AGBL5: variants seen among roughly 807,000 people sequenced by gnomAD.
The protein encoded by AGBL5 is cytosolic carboxypeptidase-like protein 5.
In AGBL5, 51 loss-of-function variants were observed where a neutral mutation model predicts 88.0. The observed-to-expected ratio is 0.58, with a 90% confidence interval of 0.46 to 0.73. The LOEUF is 0.73. AGBL5 is among the 30% of genes least tolerant of loss of function. AGBL5 has a pLI of 0.00. For missense variants in AGBL5, 1,031 were observed against 1,162.2 expected, an observed-to-expected ratio of 0.89 and a Z score of 1.64; for synonymous variants, 446 against 438.8, an observed-to-expected ratio of 1.02 and a Z score of -0.21.
Position 27,053,335 on chromosome 2 carries a change from G to C in AGBL5, c.216-67G>C. 1 of 1,568,124 alleles carries C rather than the reference G, an allele frequency of 6.4e-7. No homozygotes were observed. The highest frequency in any genetic ancestry group is 1.2e-5 in the South Asian group (1 of 83,256). On this transcript the variant is annotated intron_variant, in intron 2 of 14. Coordinates refer to ENST00000360131, the MANE Select transcript of AGBL5 (RefSeq NM_021831.6). The surrounding 1 kb of genome is among the most constrained non-coding windows in gnomAD (Gnocchi z 4.9). ...CCCTTTCCCAGTTTGGCTGGCTCCG[G>C]CTCTCCCACAGACCATATCTCCAAC... is the stretch of plus-strand genomic sequence containing the variant.
At chr2:27,056,479 A>G in intron 7 of AGBL5, 144 bp from the exon 8 acceptor site, 1 of 760,940 alleles carries the variant, frequency 1.3e-6, no homozygotes, top group East Asian at 2.6e-5. Context: ...TGTCAAACTG[A>G]GAATTCAGGC....
intron 11 of AGBL5, chr2:27,059,617 G>T: frequency 8.7e-7 from 1 of 1,153,952 alleles, no homozygotes; most frequent in African/African-American, 1.5e-5. Flanking sequence ...GGGGAAGTCT[G>T]GGTATCTGGG....
rs564662986 is a variant in AGBL5, at chr2:27,053,704, G to A, written c.387+131G>A. The A allele has an allele frequency of 5.8e-5, 81 of 1,386,288 alleles. 1 individual carries two copies. Among genetic ancestry groups the A allele is most frequent in the Non-Finnish European group, 7.4e-5 (77 of 1,037,354 alleles). 85.9% of individuals were successfully genotyped at this position (1,386,288 alleles called of 1,614,324 possible). On this transcript the variant is annotated intron_variant, in intron 3 of 14. Transcript: ENST00000360131. The surrounding 1 kb of genome is among the most constrained non-coding windows in gnomAD (Gnocchi z 4.9). ...GGTTTAAGTATCAGCTTTTTCTCCA[G>A]TGTTAGCTAGAGTCCAAGATGAGCC...
rs752337522 is a variant in AGBL5, at chr2:27,068,705, G to A, written c.2316G>A (p.Gly772=). 9.9e-6 allele frequency: 16 copies of A among 1,614,012 alleles called. No individual in the cohort carries two copies. The African/African-American group carries it at 2.1e-4, about 22-fold the overall frequency. ...TGGTAATCGGGAAAGGTCTGCTAGG[G>A]ACTGGAGCTCGGATGCCCTGCATCA... ...AVMVIGKGLL[G]TGARMPCIKT... is the part of the protein sequence containing the mutation. Residue 772 remains glycine, a synonymous_variant, in exon 13 of 15, where the codon GGG becomes GGA. Transcript: ENST00000360131.
intron 11 of AGBL5, among the ~76,000 whole-genome samples, chr2:27,064,957 G>A (rs959514111): frequency 6.6e-5 from 10 of 151,396 alleles, no homozygotes; most frequent in African/African-American, 1.7e-4. Context: ...GTTTCTCCAC[G>A]TTGGTCAGGC....
In AGBL5 at chr2:27,055,860, T is replaced by A. The variant is rs1253567054; in HGVS notation, c.1087T>A (p.Ser363Thr). The change falls in exon 7 of 15, where the codon TCT (serine) becomes ACT (threonine). Residue 363 changes from serine to threonine, a missense_variant. Around this residue, in one of 2 missense-constraint regions of AGBL5, gnomAD observed 540 missense variants for 678.2 expected, o/e 0.80. Transcript: ENST00000360131. The stretch of plus-strand genomic sequence containing the variant: ...CTGTCTCCCTCCTGATGCTCCTGTT[T>A]CTGACCTGGAGAAAGCCAACAATCT... ...SSCLPPDAPV[S>T]DLEKANNLQN... 6.2e-7 allele frequency: 1 copy of A among 1,614,194 alleles called. No homozygotes were observed. The highest frequency in any genetic ancestry group is 1.1e-5 in the South Asian group (1 of 91,080).
intron 7 of AGBL5, 56 bp downstream of exon 7, chr2:27,056,194 G>A (rs1668425988): frequency 6.4e-7 from 1 of 1,554,512 alleles, no homozygotes; most frequent in Non-Finnish European, 8.7e-7. Flanking sequence ...TTAGGAGATG[G>A]GGTTAGGCCA....
At chr2:27,057,514 T>G (rs1431049032) in intron 9 of AGBL5, 76 bp downstream of exon 9, 1 of 1,474,044 alleles carries the variant, frequency 6.8e-7, no homozygotes, top group African/African-American at 1.4e-5. Flanking sequence ...AGTGCCTGAC[T>G]CTAAGGTCCT....
intron 4 of AGBL5, chr2:27,054,422 GAAC>G (rs1450829275): frequency 1.0e-5 from 6 of 587,670 alleles, no homozygotes; most frequent in Admixed American, 1.0e-4. Flanking sequence ...ACAAACTGGG[GAAC>G]AACAAGTTCA....
chr2:27,057,213 A>G, intron 8 of AGBL5, 90 bp from the exon 9 acceptor site: 1 of 1,411,236 alleles, frequency 7.1e-7, no homozygotes, highest in Non-Finnish European at 9.6e-7. Flanking sequence ...TTTCCAAGTG[A>G]TTGCCTCCTT....
rs1011217644 is a variant in AGBL5, at chr2:27,055,828, C to T, written c.1055C>T (p.Pro352Leu). 4 of 1,614,052 alleles carry T rather than the reference C, an allele frequency of 2.5e-6. No individual in the cohort carries two copies. Among genetic ancestry groups the T allele is most frequent in the African/African-American group, 2.7e-5 (2 of 74,904 alleles). ...TCCCAGAGTTCCTCTGAGCACCAGC[C>T]CAGTTCCTGTCTCCCTCCTGATGCT... The part of the protein sequence containing the change: ...LNSQSSSEHQ[P>L]SSCLPPDAPV... Residue 352 changes from proline to leucine, a missense_variant, in exon 7 of 15, where the codon CCC (proline) becomes CTC (leucine). Pro to Leu is a moderately conservative substitution (Grantham distance 98). Around this residue, in one of 2 missense-constraint regions of AGBL5, gnomAD observed 540 missense variants for 678.2 expected, o/e 0.80. Transcript: ENST00000360131.
At chr2:27,069,073 G>T in intron 13 of AGBL5, 1 of 1,358,246 alleles carries the variant, frequency 7.4e-7, no homozygotes, top group Non-Finnish European at 9.7e-7. Context: ...GTTTCCGCCA[G>T]GAGGGGTCCC....
intron 11 of AGBL5, among the ~76,000 whole-genome samples, chr2:27,066,712 AGGTG>A (rs1425470357): frequency 2.0e-5 from 3 of 151,902 alleles, no homozygotes; most frequent in African/African-American, 7.3e-5. Context: ...TGGGAGGCGG[AGGTG>A]GGTGGATCTC....
chr2:27,051,566 C>A (rs913597291), upstream of AGBL5: 1 of 152,318 alleles, frequency 6.6e-6, no homozygotes, highest in Non-Finnish European at 1.5e-5. Context: ...TACCCACTAA[C>A]GTGCGAGGAA....
chr2:27,058,438 G>A lies in AGBL5; in HGVS notation c.1710G>A (p.Ala570=), dbSNP rs372114447. 62 of 1,613,608 alleles carry A rather than the reference G, an allele frequency of 3.8e-5. No homozygotes were observed. Among genetic ancestry groups the A allele is most frequent in the South Asian group, 2.0e-4 (18 of 91,056 alleles). ...RAMAIAALDM[A]ECNPWPRIVL... ...TGGCCATTGCAGCCCTGGACATGGC[G>A]GAATGTAATCCGTGGCCCCGAATTG... The change falls in exon 10 of 15, where the codon GCG becomes GCA. Residue 570 remains alanine, a synonymous_variant. Coordinates refer to ENST00000360131, the MANE Select transcript of AGBL5 (RefSeq NM_021831.6).
chr2:27,053,017 C>T lies in AGBL5; in HGVS notation c.59C>T (p.Ala20Val). The T allele has an allele frequency of 3.1e-6, 5 of 1,613,626 alleles. No homozygotes were observed. Among genetic ancestry groups the T allele is most frequent in the Non-Finnish European group, 4.2e-6 (5 of 1,179,796 alleles). The change falls in exon 2 of 15, where the codon GCC becomes GTC. Residue 20 changes from alanine (A) to valine (V), a missense_variant. Ala to Val is a moderately conservative substitution (Grantham distance 64, BLOSUM62 0). Transcript: ENST00000360131. The surrounding 1 kb of genome is among the most constrained non-coding windows in gnomAD (Gnocchi z 4.9). ...FSSRFDSGNL[A>V]HVEKVESLSS... The stretch of plus-strand genomic sequence containing the variant: ...TCTCGCTTTGATTCAGGGAATCTAG[C>T]CCACGTGGAGAAGGTGGAATCTTTG...
At chr2:27,067,252 T>TAA (rs36064257) in intron 11 of AGBL5, among the ~76,000 whole-genome samples, 10,381 of 104,180 alleles carry the variant, frequency 0.1, 499 homozygotes, top group East Asian at 0.16. Flanking sequence ...TGGAAACCTT[T>TAA]AAAAAAAAAA....
In AGBL5 at chr2:27,069,609, C is replaced by G; in HGVS notation, c.2392C>G (p.Arg798Gly). The G allele has an allele frequency of 6.2e-7, 1 of 1,614,196 alleles. No homozygotes were observed. Among genetic ancestry groups the G allele is most frequent in the Non-Finnish European group, 8.5e-7 (1 of 1,180,012 alleles). ...GTTGGGCCGGGGCTCACCGCCGACTCGCAGAGGGATGAAAGGCTCTTCAGG... is the reference window on the plus strand; with the variant it reads ...GTTGGGCCGGGGCTCACCGCCGACTGGCAGAGGGATGAAAGGCTCTTCAGG... ...PRLGRGSPPT[R>G]RGMKGSSGPT... Residue 798 changes from arginine (R) to glycine (G), a missense_variant, in exon 14 of 15, where the codon CGC (arginine) becomes GGC (glycine). This residue lies in a region of AGBL5 where 491 missense variants were observed against 484.0 expected (regional missense o/e 1.01). Transcript: ENST00000360131.
At position 27,059,196 on chromosome 2, in the gene AGBL5, G is replaced by C; in HGVS notation, c.1881G>C (p.Leu627Phe). The C allele has an allele frequency of 5.0e-6, 8 of 1,613,096 alleles. No homozygotes were observed. The highest frequency in any genetic ancestry group is 6.8e-6 in the Non-Finnish European group (8 of 1,179,478). Residue 627 changes from leucine to phenylalanine, a missense_variant, in exon 11 of 15, where the codon TTG becomes TTC. This residue lies in a region of AGBL5 where 491 missense variants were observed against 484.0 expected (regional missense o/e 1.01). Coordinates refer to ENST00000360131, the MANE Select transcript of AGBL5 (RefSeq NM_021831.6). The stretch of plus-strand genomic sequence containing the variant: ...GGCATCTGCTTCTTTGCAGTGGGTT[G>C]CCTGTCTCCTGCTCCGAAAACACCT... ...LRTPPKSHNG[L>F]PVSCSENTLS... is the part of the protein sequence containing the mutation.
Sources: gnomAD v4.1 joint callset for allele counts (sites outside exome capture counted in the v4.1 genomes callset) on GRCh38, gnomAD v4.1.1 for gene constraint, gnomAD v4.1.1 regional missense constraint, Gnocchi (gnomAD v3.1) non-coding constraint, MANE v1.5 for transcripts, NCBI Gene and HGNC (gene_info 2026-07-23, HGNC 2026-07-21) for gene names.